DNAH9: variants seen among roughly 807,000 people sequenced by gnomAD.
DNAH9 encodes dynein axonemal heavy chain 9, also known as DNAH9 variant protein.
In DNAH9, 345 loss-of-function variants were observed where a neutral mutation model predicts 471.6. The observed-to-expected ratio is 0.73, with a 90% CI of 0.67 to 0.80. The LOEUF is 0.80. Ranked by LOEUF, DNAH9 falls within the 30% of genes least tolerant of loss-of-function variation. The pLI is 0.00. For synonymous variants in DNAH9, 2,093 were observed against 2,123.6 expected (o/e 0.99, Z 0.40); for missense variants, 5,407 against 5,609.2 (o/e 0.96, Z 1.15).
intron 59 of DNAH9, among the ~76,000 whole-genome samples, chr17:11,901,856 G>A (rs775343967): frequency 6.6e-6 from 1 of 152,246 alleles, no homozygotes; most frequent in Non-Finnish European, 1.5e-5. Context: ...AAGGGCCATG[G>A]GTTGGACAAG....
At chr17:11,812,685 C>T (rs1480960998) in intron 45 of DNAH9, among the ~76,000 whole-genome samples, 2 of 152,112 alleles carry the variant, frequency 1.3e-5, no homozygotes, top group Non-Finnish European at 2.9e-5. Flanking sequence ...CACCCTCATT[C>T]CCTTCCCTCC....
chr17:11,954,171 G>A (rs572281191), intron 67 of DNAH9, among the ~76,000 whole-genome samples: 1 of 151,986 alleles, frequency 6.6e-6, no homozygotes, highest in South Asian at 2.1e-4. Flanking sequence ...ACTAGGTCCT[G>A]TAGGATAATA....
chr17:11,854,824 T>C (rs1971565368), intron 50 of DNAH9, among the ~76,000 whole-genome samples: 1 of 152,220 alleles, frequency 6.6e-6, no homozygotes, highest in Admixed American at 6.5e-5. Flanking sequence ...TGTGGAAATG[T>C]GTCAGCTATC....
In DNAH9 at chr17:11,692,735, A is replaced by T. The variant is rs9913403; in HGVS notation, c.4615-1133A>T. Among the ~76,000 whole-genome samples, 449 of 152,024 alleles carry T rather than the reference A, an allele frequency of 3.0e-3. 2 individuals carry two copies. Among genetic ancestry groups the T allele is most frequent in the African/African-American group, 9.4e-3 (389 of 41,442 alleles). On this transcript the variant is annotated intron_variant, in intron 20 of 68. Transcript: ENST00000262442. The stretch of plus-strand genomic sequence containing the variant: ...TACAGTGGGGTTCTCCAGAGGTCAG[A>T]TGACATGTGATATCATAATAAATTG...
chr17:11,933,188 G>A (rs1974578870), intron 64 of DNAH9, among the ~76,000 whole-genome samples: 2 of 152,098 alleles, frequency 1.3e-5, no homozygotes, highest in Admixed American at 1.3e-4. Flanking sequence ...GTCATTAAAG[G>A]CAGAAAATTA....
chr17:11,956,434 TAGAC>T (rs752143685), intron 67 of DNAH9, among the ~76,000 whole-genome samples: 8 of 152,106 alleles, frequency 5.3e-5, no homozygotes, highest in African/African-American at 1.9e-4. Flanking sequence ...GTAGAACAAG[TAGAC>T]AGAAAACTAA....
intron 1 of DNAH9, among the ~76,000 whole-genome samples, chr17:11,602,965 C>T (rs2072416464): frequency 1.3e-5 from 2 of 152,198 alleles, no homozygotes; most frequent in South Asian, 2.1e-4. Flanking sequence ...CTGGACCATG[C>T]ACACGGTCTC....
At chr17:11,802,152 C>A (rs999630722) in intron 43 of DNAH9, among the ~76,000 whole-genome samples, 2 of 152,202 alleles carry the variant, frequency 1.3e-5, no homozygotes, top group African/African-American at 4.8e-5. Flanking sequence ...CCCTGGGGCT[C>A]ATGGACCTCT....
chr17:11,753,484 G>A (rs1967243115), intron 33 of DNAH9, among the ~76,000 whole-genome samples: 1 of 152,150 alleles, frequency 6.6e-6, no homozygotes, highest in Non-Finnish European at 1.5e-5. Context: ...GGCCAACATG[G>A]TGAAACCCCC....
chr17:11,889,384 G>C (rs1200620810), intron 57 of DNAH9, among the ~76,000 whole-genome samples: 1 of 152,176 alleles, frequency 6.6e-6, no homozygotes, highest in Non-Finnish European at 1.5e-5. Context: ...ATGAGGAGAA[G>C]TTATGTAAGT....
rs540687496 is a variant in DNAH9 at position 11,674,282 on chromosome 17, A to G, written c.3353+4488A>G. ...AATTGCTAAGTCAAAGAGTATGCAT[A>G]TAATGCCAAGCTCCTTCCAAGGTAG... On this transcript the variant is annotated intron_variant, in intron 17 of 68. Coordinates refer to ENST00000262442, the MANE Select transcript of DNAH9 (RefSeq NM_001372.4). Among the ~76,000 whole-genome samples, 8 of 152,318 alleles carry G rather than the reference A, an allele frequency of 5.3e-5. No homozygotes were observed. In the East Asian group the frequency reaches 1.5e-3, roughly 29 times the overall value.
At chr17:11,635,836 A>G (rs1486415399) in intron 8 of DNAH9, among the ~76,000 whole-genome samples, 2 of 152,140 alleles carry the variant, frequency 1.3e-5, no homozygotes, top group Non-Finnish European at 1.5e-5. Context: ...GGTCAGCATC[A>G]CTGCCATTCT....
chr17:11,677,325 T>G (rs559073872), intron 17 of DNAH9, among the ~76,000 whole-genome samples: 2 of 152,176 alleles, frequency 1.3e-5, no homozygotes, highest in Non-Finnish European at 2.9e-5. Context: ...TAAGGTTATG[T>G]TATAGGCATA....
At chr17:11,656,224 C>T (rs2073644463) in intron 14 of DNAH9, among the ~76,000 whole-genome samples, 1 of 152,060 alleles carries the variant, frequency 6.6e-6, no homozygotes, top group African/African-American at 2.4e-5. Context: ...ACGCCAACAT[C>T]TATTTCTTTT....
At chr17:11,653,058 AGT>A in intron 14 of DNAH9, 56 bp downstream of exon 14, 1 of 1,583,906 alleles carries the variant, frequency 6.3e-7, no homozygotes. Context: ...AGCATCAAAA[AGT>A]GTGTTTGGAT....
rs368451792 is a variant in DNAH9 at position 11,678,560 on chromosome 17, T to C, written c.3354-1197T>C. 2.0e-5 allele frequency among the ~76,000 whole-genome samples: 3 copies of C among 152,264 alleles called. No homozygotes were observed. In the South Asian group the frequency reaches 6.2e-4, roughly 31 times the overall value. On this transcript the variant is annotated intron_variant, in intron 17 of 68. Transcript: ENST00000262442. ...TATTCTACTGTGTCCTGGCTTCCAT[T>C]TGTGTTGCCGAGTAGTCGGTTATCA...
At chr17:11,866,290 C>T (rs1176669342) in intron 50 of DNAH9, among the ~76,000 whole-genome samples, 2 of 152,122 alleles carry the variant, frequency 1.3e-5, no homozygotes, top group African/African-American at 4.8e-5. Flanking sequence ...CACTCCAGAC[C>T]CTGTTTGCCT....
At chr17:11,610,004 C>T (rs761781593) in intron 2 of DNAH9, among the ~76,000 whole-genome samples, 14 of 152,210 alleles carry the variant, frequency 9.2e-5, no homozygotes, top group Non-Finnish European at 1.3e-4. Context: ...TTTGTGAAGT[C>T]GAGAGCTTGC....
intron 5 of DNAH9, among the ~76,000 whole-genome samples, 167 bp from the exon 6 acceptor site, chr17:11,619,381 C>G (rs575727245): frequency 6.6e-5 from 10 of 152,100 alleles, no homozygotes; most frequent in Non-Finnish European, 1.5e-4. Flanking sequence ...ACTATTTGGC[C>G]GAAACCCAGG....
Sources: allele counts gnomAD v4.1 joint callset (sites outside exome capture counted in the v4.1 genomes callset), GRCh38; gene constraint gnomAD v4.1.1; transcripts MANE v1.5; gene names NCBI Gene and HGNC (gene_info 2026-07-23, HGNC 2026-07-21).